Variants in MFAP3 observed in about 807,000 individuals in gnomAD.
The protein encoded by MFAP3 is microfibril-associated glycoprotein 3.
MFAP3 carries 8 observed loss-of-function variants against 20.5 expected under a neutral mutation model. The observed-to-expected ratio is 0.39, with a 90% confidence interval of 0.23 to 0.70. The LOEUF (loss-of-function observed/expected upper bound fraction) is 0.70. Ranked by LOEUF, MFAP3 falls within the 30% of genes least tolerant of loss-of-function variation. The probability of loss-of-function intolerance (pLI) is 0.44; values close to 1 mark genes in which losing one functional copy is unlikely to be tolerated. For missense variants in MFAP3, 398 were observed against 444.6 expected, an observed-to-expected ratio of 0.90 and a Z score of 0.94; for synonymous variants, 140 against 154.0, an observed-to-expected ratio of 0.91 and a Z score of 0.67.
At position 154,049,741 on chromosome 5, in the gene MFAP3, T is replaced by C. The variant is rs139845708; in HGVS notation, c.19T>C (p.Leu7=). The C allele has an allele frequency of 3.6e-4, 578 of 1,613,236 alleles. No homozygotes were observed. The highest frequency in any genetic ancestry group is 4.2e-4 in the Admixed American group (25 of 59,946). Residue 7 remains leucine (L), a synonymous_variant, in exon 2 of 3, where the codon TTA becomes CTA. Coordinates refer to ENST00000522782, the MANE Select transcript of MFAP3 (RefSeq NM_005927.5). MKLHCC[L]FTLVASIIVP... is the part of the protein sequence containing the mutation. ...TTTTCCCATGAAGCTACATTGTTGC[T>C]TATTCACTTTAGTGGCAAGTATTAT...
chr5:154,043,744 T>TATA (rs1439381326), intron 1 of MFAP3, among the ~76,000 whole-genome samples: 2 of 100,452 alleles, frequency 2.0e-5, no homozygotes, highest in African/African-American at 7.4e-5. Context: ...ATATATATAT[T>TATA]TTTTTTTCCA....
chr5:154,056,765 A>T lies in MFAP3; in HGVS notation c.*3052A>T, dbSNP rs1432300784. ...GCTGATGCCCCACTTGAGTTTATAG[A>T]CTGTTTGATAACTGCCTGTCCTCCA... On this transcript the variant is annotated 3_prime_UTR_variant, in exon 3 of 3. Coordinates refer to ENST00000522782, the MANE Select transcript of MFAP3 (RefSeq NM_005927.5). Among the ~76,000 whole-genome samples, 2 of 152,144 alleles carry T rather than the reference A, an allele frequency of 1.3e-5. No individual in the cohort carries two copies. The highest frequency in any genetic ancestry group is 2.4e-5 in the African/African-American group (1 of 41,424).
chr5:154,053,040 G>A lies in MFAP3; in HGVS notation c.416G>A (p.Arg139His), dbSNP rs771270487. 16 of 1,613,552 alleles carry A rather than the reference G, an allele frequency of 9.9e-6. No homozygotes were observed. Among genetic ancestry groups the A allele is most frequent in the East Asian group, 4.5e-5 (2 of 44,882 alleles). ...CGTGCCTCCTACTCTGTCACCCTAC[G>A]TGTTATCTTCACCTCGGGAGACATG... ...PIRASYSVTLRVIFTSGDMSV... is the reference protein window; with the variant it reads ...PIRASYSVTLHVIFTSGDMSV... Residue 139 changes from arginine (R) to histidine (H), a missense_variant, in exon 3 of 3, where the codon CGT becomes CAT. Physicochemically the swap from Arg to His is conservative, Grantham distance 29. Transcript: ENST00000522782.
intron 1 of MFAP3, among the ~76,000 whole-genome samples, chr5:154,047,692 T>C (rs887906958): frequency 3.3e-5 from 5 of 152,126 alleles, no homozygotes; most frequent in African/African-American, 1.2e-4. Context: ...AAAGTAAAAA[T>C]AAAATGAGTT....
At chr5:154,043,852 C>T (rs975460605) in intron 1 of MFAP3, among the ~76,000 whole-genome samples, 2 of 151,792 alleles carry the variant, frequency 1.3e-5, no homozygotes, top group Non-Finnish European at 2.9e-5. Context: ...AATTCTGCAT[C>T]TGAGGCTGTA....
Position 154,054,626 on chromosome 5 carries a change from C to T in MFAP3, c.*913C>T, listed in dbSNP as rs1169160154. ...TCATATTTCTGTTAACAGAATTTCT[C>T]AGGCTTTCCCTTTTTAAAAGTATTG... On this transcript the variant is annotated 3_prime_UTR_variant, in exon 3 of 3. Coordinates refer to ENST00000522782, the MANE Select transcript of MFAP3 (RefSeq NM_005927.5). The T allele has an allele frequency of 6.0e-6, 1 of 167,022 alleles. No homozygotes were observed. Among genetic ancestry groups the T allele is most frequent in the Non-Finnish European group, 1.5e-5 (1 of 68,120 alleles). 10.3% of individuals were successfully genotyped at this position (167,022 alleles called of 1,614,324 possible).
intron 1 of MFAP3, among the ~76,000 whole-genome samples, chr5:154,047,974 A>G (rs1476785209): frequency 6.6e-6 from 1 of 152,240 alleles, no homozygotes; most frequent in African/African-American, 2.4e-5. Flanking sequence ...AAGAGCTTGG[A>G]AACTTACATG....
intron 1 of MFAP3, among the ~76,000 whole-genome samples, chr5:154,047,981 C>G (rs1386832710): frequency 6.6e-6 from 1 of 152,202 alleles, no homozygotes; most frequent in Non-Finnish European, 1.5e-5. Flanking sequence ...TGGAAACTTA[C>G]ATGTCAAGCC....
rs1213981204 is a variant in MFAP3 at position 154,056,042 on chromosome 5, A to G, written c.*2329A>G. On this transcript the variant is annotated 3_prime_UTR_variant, in exon 3 of 3. Coordinates refer to ENST00000522782, the MANE Select transcript of MFAP3 (RefSeq NM_005927.5). The stretch of plus-strand genomic sequence containing the variant: ...AGAATATAGCTTGTCAAATTAGAGA[A>G]TGGTTTTACCCCACATGTTCTCATA... Among the ~76,000 whole-genome samples the G allele has an allele frequency of 6.6e-6, 1 of 152,182 alleles. No homozygotes were observed. The highest frequency in any genetic ancestry group is 1.5e-5 in the Non-Finnish European group (1 of 68,036).
In MFAP3 at chr5:154,055,628, A is replaced by G. The variant is rs1773311504; in HGVS notation, c.*1915A>G. Among the ~76,000 whole-genome samples the G allele has an allele frequency of 6.6e-6, 1 of 152,100 alleles. No homozygotes were observed. The highest frequency in any genetic ancestry group is 6.6e-5 in the Admixed American group (1 of 15,256). ...CCCTTCCCTTTTCTCTGGAAAAATT[A>G]AATTTTTTTTCTGTCCACTGAGACT... On this transcript the variant is annotated 3_prime_UTR_variant, in exon 3 of 3. Transcript: ENST00000522782.
chr5:154,052,040 C>G (rs1431748093), intron 2 of MFAP3: 1 of 152,072 alleles, frequency 6.6e-6, no homozygotes, highest in Non-Finnish European at 1.5e-5. Flanking sequence ...CAGTCAGAGC[C>G]AAGTTATTGA....
rs1333799711 is a variant in MFAP3, at chr5:154,055,067, T to C, written c.*1354T>C. The C allele has an allele frequency of 1.2e-5, 2 of 167,024 alleles. No individual in the cohort carries two copies. Among genetic ancestry groups the C allele is most frequent in the Non-Finnish European group, 2.9e-5 (2 of 68,100 alleles). 10.3% of individuals were successfully genotyped at this position (167,024 alleles called of 1,614,324 possible). Reference sequence around the variant, plus strand: ...CTGGCTGAGATCTGATATAATGGAATTGTAAATACTCTTCAGAACAATTTC... The same window carrying C: ...CTGGCTGAGATCTGATATAATGGAACTGTAAATACTCTTCAGAACAATTTC... On this transcript the variant is annotated 3_prime_UTR_variant, in exon 3 of 3. Transcript: ENST00000522782.
rs956070128 is a variant in MFAP3 at position 154,056,797 on chromosome 5, G to GT, written c.*3085dup. ...GATAACTGCCTGTCCTCCAAATTGT[G>GT]TATGTATATGTTACGATGGTTTAAT... On this transcript the variant is annotated 3_prime_UTR_variant, in exon 3 of 3. Transcript: ENST00000522782. Among the ~76,000 whole-genome samples the GT allele has an allele frequency of 5.9e-5, 9 of 152,176 alleles. No homozygotes were observed. The highest frequency in any genetic ancestry group is 5.2e-4 in the Admixed American group (8 of 15,270).
At chr5:154,052,109 C>A (rs753898026) in intron 2 of MFAP3, among the ~76,000 whole-genome samples, 1 of 152,120 alleles carries the variant, frequency 6.6e-6, no homozygotes, top group South Asian at 2.1e-4. Context: ...TTGTATACTT[C>A]TATATACGTG....
At chr5:154,052,471 T>C (rs1773220982) in intron 2 of MFAP3, among the ~76,000 whole-genome samples, 1 of 152,148 alleles carries the variant, frequency 6.6e-6, no homozygotes, top group South Asian at 2.1e-4. Flanking sequence ...AAATTACTCA[T>C]AAAAATTTAA....
At position 154,057,421 on chromosome 5, in the gene MFAP3, C is replaced by T. The variant is rs1295664019; in HGVS notation, c.*3708C>T. On this transcript the variant is annotated 3_prime_UTR_variant, in exon 3 of 3. Transcript: ENST00000522782. ...TCATACTTGAATATAATTTATTAAA[C>T]GTTCAATGGAGTATATAGTCTATTT... 2.6e-5 allele frequency among the ~76,000 whole-genome samples: 4 copies of T among 152,030 alleles called. No individual in the cohort carries two copies. The highest frequency in any genetic ancestry group is 1.9e-4 in the East Asian group (1 of 5,202).
intron 1 of MFAP3, among the ~76,000 whole-genome samples, chr5:154,046,188 A>C (rs1773069998): frequency 6.6e-6 from 1 of 152,212 alleles, no homozygotes; most frequent in Non-Finnish European, 1.5e-5. Context: ...TGGTAAATGA[A>C]GGTATCAGGT....
chr5:154,052,994 T>G lies in MFAP3; in HGVS notation c.370T>G (p.Cys124Gly), dbSNP rs140601186. Reference protein sequence around the residue: ...VAFDDRGLYTCFVTSPIRASY... With the variant: ...VAFDDRGLYTGFVTSPIRASY... Reference sequence around the variant, plus strand: ...TTTTGATGACCGTGGGCTCTATACCTGTTTCGTCACCTCTCCAATTCGTGC... The same window carrying G: ...TTTTGATGACCGTGGGCTCTATACCGGTTTCGTCACCTCTCCAATTCGTGC... Residue 124 changes from cysteine (C) to glycine (G), a missense_variant, in exon 3 of 3, where the codon TGT (cysteine) becomes GGT (glycine). Coordinates refer to ENST00000522782, the MANE Select transcript of MFAP3 (RefSeq NM_005927.5). 2 of 1,613,962 alleles carry G rather than the reference T, an allele frequency of 1.2e-6. No homozygotes were observed. Among genetic ancestry groups the G allele is most frequent in the African/African-American group, 2.7e-5 (2 of 75,030 alleles).
At chr5:154,047,600 CTTCTTTGTTTTCATTATG>C (rs1469658476) in intron 1 of MFAP3, among the ~76,000 whole-genome samples, 3 of 152,146 alleles carry the variant, frequency 2.0e-5, no homozygotes, top group Non-Finnish European at 4.4e-5. Context: ...GCTAATAACA[CTTCTTTGTTTTCATTATG>C]TTTATGTGTA....
Sources: allele counts gnomAD v4.1 joint callset (sites outside exome capture counted in the v4.1 genomes callset), GRCh38; gene constraint gnomAD v4.1.1; transcripts MANE v1.5; gene names NCBI Gene and HGNC (gene_info 2026-07-23, HGNC 2026-07-21).